Variants in ZNF676 observed in about 807,000 individuals in gnomAD.
The protein encoded by ZNF676 is zinc finger protein 676.
A neutral mutation model predicts 6.0 loss-of-function variants in ZNF676; 4 were observed. The observed-to-expected ratio is 0.67, with a 90% CI of 0.33 to 1.53. ZNF676 has a LOEUF of 1.53. Among genes scored for constraint, ZNF676 ranks in the 40% most tolerant of loss-of-function variants. The pLI is 0.06. For missense variants in ZNF676, 644 were observed against 679.7 expected (o/e 0.95, Z 0.58); for synonymous variants, 198 against 223.1 (o/e 0.89, Z 1.00).
At chr19:22,230,971 G>C in the ZNF676 span, among the ~76,000 whole-genome samples, 4 of 151,638 alleles carry the variant, frequency 2.6e-5, no homozygotes, top group African/African-American at 9.7e-5. Context: ...AAAAAAAGGG[G>C]GGATTATTTT....
chr19:22,218,289 A>T (rs545109469), upstream of ZNF676, among the ~76,000 whole-genome samples: 13 of 152,224 alleles, frequency 8.5e-5, no homozygotes, highest in African/African-American at 2.9e-4. Context: ...TATTTGATCC[A>T]TCTTGAGTTG....
At chr19:22,257,843 C>T in the ZNF676 span, among the ~76,000 whole-genome samples, 1 of 152,182 alleles carries the variant, frequency 6.6e-6, no homozygotes, top group Admixed American at 6.5e-5. Context: ...TCACAATGCC[C>T]TCAGGTGCGT....
upstream of ZNF676, chr19:22,215,806 C>CA (rs1491421870): frequency 8.8e-5 from 52 of 591,100 alleles, 1 homozygote; most frequent in South Asian, 8.4e-4. Context: ...GTCCCCCCCC[C>CA]CAGCTGCCTG....
At chr19:22,210,075 G>C (rs2024114475) in intron 1 of ZNF676, among the ~76,000 whole-genome samples, 1 of 152,120 alleles carries the variant, frequency 6.6e-6, no homozygotes. Flanking sequence ...CTGTCACCCT[G>C]GGAGGAGACC....
chr19:22,220,098 C>A (rs1306272532), upstream of ZNF676, among the ~76,000 whole-genome samples: 4 of 152,082 alleles, frequency 2.6e-5, no homozygotes, highest in South Asian at 2.1e-4. Context: ...GGTTTTAATT[C>A]TGTTTATTTG....
chr19:22,247,215 C>T, the ZNF676 span, among the ~76,000 whole-genome samples: 1 of 151,996 alleles, frequency 6.6e-6, no homozygotes, highest in African/African-American at 2.4e-5. Flanking sequence ...GGTTAAAGAC[C>T]TCTCTTAATA....
chr19:22,235,125 A>AAGGC, the ZNF676 span, among the ~76,000 whole-genome samples: 25 of 75,682 alleles, frequency 3.3e-4, 1 homozygote, highest in South Asian at 6.4e-4. Context: ...GGAAGGCAGG[A>AAGGC]AGGAAGGAAG....
chr19:22,241,130 C>T, the ZNF676 span, among the ~76,000 whole-genome samples: 4 of 151,888 alleles, frequency 2.6e-5, no homozygotes, highest in East Asian at 1.9e-4. Context: ...CCAAGTGATA[C>T]GTCATAATCC....
chr19:22,205,445 G>A (rs1238443204), intron 1 of ZNF676, among the ~76,000 whole-genome samples: 5 of 151,848 alleles, frequency 3.3e-5, no homozygotes, highest in Non-Finnish European at 5.9e-5. Flanking sequence ...ATCCCAAAAC[G>A]ATACAAGGCA....
At chr19:22,196,534 A>G (rs370939275) in intron 1 of ZNF676, 66 bp downstream of exon 1, 183 of 1,612,076 alleles carry the variant, frequency 1.1e-4, no homozygotes, top group East Asian at 2.5e-4. Context: ...GTTCAGTCCA[A>G]TAAGGTCTGC....
At position 22,181,163 on chromosome 19, in the gene ZNF676, G is replaced by A. The variant is rs751068129; in HGVS notation, c.554C>T (p.Thr185Ile). 6 of 1,613,846 alleles carry A rather than the reference G, an allele frequency of 3.7e-6. No individual in the cohort carries two copies. The highest frequency in any genetic ancestry group is 3.4e-6 in the Non-Finnish European group (4 of 1,179,912). ...TCCAGTATGAATACTCTTATAATAAGTAAGGGTTGAGGACCAGTTAAAAGC... is the reference window on the plus strand; with the variant it reads ...TCCAGTATGAATACTCTTATAATAAATAAGGGTTGAGGACCAGTTAAAAGC... The part of the protein sequence containing the change: ...GKAFNWSSTL[T>I]YYKSIHTGEK... The change falls in exon 3 of 3, where the codon ACT becomes ATT. Residue 185 changes from threonine to isoleucine, a missense_variant. Physicochemically the swap from Thr to Ile is moderately conservative, Grantham distance 89. Around this residue, in one of 5 missense-constraint regions of ZNF676, gnomAD observed 280 missense variants for 269.3 expected, o/e 1.04. Transcript: ENST00000397121.
the ZNF676 span, among the ~76,000 whole-genome samples, chr19:22,236,017 T>C: frequency 6.6e-6 from 1 of 151,208 alleles, no homozygotes; most frequent in African/African-American, 2.4e-5. Flanking sequence ...TTCTCCAAAA[T>C]CCATCTGTCT....
At chr19:22,199,035 A>C (rs2023999182), upstream of ZNF676, among the ~76,000 whole-genome samples, 1 of 150,820 alleles carries the variant, frequency 6.6e-6, no homozygotes, top group Non-Finnish European at 1.5e-5. Flanking sequence ...AATCCATGGA[A>C]AGGGCACAAG....
At chr19:22,253,388 ATATATATGATAATGTG>A in the ZNF676 span, among the ~76,000 whole-genome samples, 6,968 of 66,850 alleles carry the variant, frequency 0.1, 193 homozygotes, top group East Asian at 0.13. Flanking sequence ...ATATATATAT[ATATATATGATAATGTG>A]TATATATATA....
intron 2 of ZNF676, among the ~76,000 whole-genome samples, chr19:22,189,401 C>T (rs1252071638): frequency 1.3e-5 from 2 of 150,566 alleles, no homozygotes; most frequent in African/African-American, 4.9e-5. Context: ...ATGTAATACC[C>T]CAAACCATAA....
intron 2 of ZNF676, among the ~76,000 whole-genome samples, chr19:22,183,450 G>A (rs1416354770): frequency 2.0e-5 from 3 of 152,074 alleles, no homozygotes. Context: ...CAGTTCTCCT[G>A]CCTCACACTC....
chr19:22,190,789 T>A (rs1179756920), intron 2 of ZNF676, among the ~76,000 whole-genome samples: 1 of 151,082 alleles, frequency 6.6e-6, no homozygotes, highest in Admixed American at 6.6e-5. Context: ...ATTTGAAATA[T>A]AAAAATACTG....
chr19:22,180,622 G>A lies in ZNF676; in HGVS notation c.1095C>T (p.Tyr365=). The A allele has an allele frequency of 6.2e-7, 1 of 1,612,760 alleles. No homozygotes were observed. The highest frequency in any genetic ancestry group is 8.5e-7 in the Non-Finnish European group (1 of 1,179,474). Residue 365 remains tyrosine (Y), a synonymous_variant, in exon 3 of 3, where the codon TAC becomes TAT. Coordinates refer to ENST00000397121, the MANE Select transcript of ZNF676 (RefSeq NM_001001411.3). ...HKIIHTGEKP[Y]KCEGCGKAFS... ...AGGCTTTGCCACATCCTTCACATTT[G>A]TAGGGTTTCTCTCCAGTATGAATAA...
the ZNF676 span, among the ~76,000 whole-genome samples, chr19:22,230,283 G>A: frequency 8.5e-5 from 13 of 152,274 alleles, no homozygotes; most frequent in African/African-American, 1.2e-4. Context: ...TCACTCATAA[G>A]TGGGAGTTGA....
Sources: allele counts gnomAD v4.1 joint callset (sites outside exome capture counted in the v4.1 genomes callset), GRCh38; gene constraint gnomAD v4.1.1; regional missense constraint gnomAD v4.1.1; transcripts MANE v1.5; gene names NCBI Gene and HGNC (gene_info 2026-07-23, HGNC 2026-07-21).